GNPTAB: variants seen among roughly 807,000 people sequenced by gnomAD.
GNPTAB encodes the protein N-acetylglucosamine-1-phosphate transferase subunits alpha and beta.
A neutral mutation model predicts 136.6 loss-of-function variants in GNPTAB; 92 were observed. The ratio of observed to expected loss-of-function variants is 0.67; its 90% CI spans 0.57 to 0.80. The LOEUF is 0.80. Ranked by LOEUF, GNPTAB falls within the 30% of genes least tolerant of loss-of-function variation. The pLI is 0.00. For synonymous variants in GNPTAB, 512 were observed against 535.1 expected (o/e 0.96, Z 0.60); for missense variants, 1,343 against 1,501.8 (o/e 0.89, Z 1.75).
intron 1 of GNPTAB, among the ~76,000 whole-genome samples, chr12:101,816,617 A>C (rs1254740568): frequency 1.3e-5 from 2 of 152,256 alleles, no homozygotes; most frequent in African/African-American, 4.8e-5. Flanking sequence ...TAGTATAGCC[A>C]CTATGGAAAA....
At chr12:101,819,232 G>T (rs940853166) in intron 1 of GNPTAB, among the ~76,000 whole-genome samples, 1 of 151,860 alleles carries the variant, frequency 6.6e-6, no homozygotes, top group Admixed American at 6.6e-5. Context: ...GGCTCGTCTT[G>T]AACTCCTGAC....
intron 7 of GNPTAB, 141 bp downstream of exon 7, chr12:101,780,011 G>C (rs1953316655): frequency 3.6e-6 from 3 of 837,472 alleles, no homozygotes; most frequent in Non-Finnish European, 4.0e-6. Flanking sequence ...AAGGAGTGAG[G>C]CTCTTCTGGC....
chr12:101,775,365 CT>C (rs56347934), intron 7 of GNPTAB, among the ~76,000 whole-genome samples: 58 of 143,296 alleles, frequency 4.0e-4, no homozygotes, highest in Middle Eastern at 3.6e-3. Context: ...TCTTTTTTTT[CT>C]TTTTTTTTTT....
At chr12:101,804,353 A>G (rs569728506) in intron 1 of GNPTAB, among the ~76,000 whole-genome samples, 56 of 152,276 alleles carry the variant, frequency 3.7e-4, no homozygotes, top group Middle Eastern at 6.8e-3. Context: ...GAAAAAAAAA[A>G]AGAACCAACG....
chr12:101,774,470 T>A lies in GNPTAB; in HGVS notation c.772-3313A>T, dbSNP rs111918316. On this transcript the variant is annotated intron_variant, in intron 7 of 20. Transcript: ENST00000299314. ...AACTTCTAGATATAATATGAACATA[T>A]GTAAGTATATATTGGAAGCAAATCT... Among the ~76,000 whole-genome samples, 388 of 152,330 alleles carry A rather than the reference T, an allele frequency of 2.5e-3. 1 individual carries two copies. Among genetic ancestry groups the A allele is most frequent in the African/African-American group, 9.1e-3 (377 of 41,576 alleles).
At chr12:101,754,809 G>A (rs1389647065) in intron 18 of GNPTAB, among the ~76,000 whole-genome samples, 1 of 151,592 alleles carries the variant, frequency 6.6e-6, no homozygotes, top group Non-Finnish European at 1.5e-5. Context: ...GGAAATACAA[G>A]AGACATAGAA....
intron 16 of GNPTAB, among the ~76,000 whole-genome samples, 196 bp downstream of exon 16, chr12:101,759,834 G>C (rs891515791): frequency 6.6e-6 from 1 of 152,312 alleles, no homozygotes; most frequent in South Asian, 2.1e-4. Flanking sequence ...TCCAAATTAC[G>C]CATCTATGGG....
At chr12:101,797,191 G>C (rs1869344548) in intron 1 of GNPTAB, among the ~76,000 whole-genome samples, 1 of 152,118 alleles carries the variant, frequency 6.6e-6, no homozygotes, top group South Asian at 2.1e-4. Context: ...GTTGAGAAAT[G>C]GGTCTAGGAA....
intron 17 of GNPTAB, 25 bp from the exon 18 acceptor site, chr12:101,757,335 A>T: frequency 1.5e-6 from 2 of 1,302,058 alleles, no homozygotes; most frequent in Non-Finnish European, 2.2e-6. Context: ...ATATTTGAAG[A>T]GTTTAAATAA....
intron 2 of GNPTAB, among the ~76,000 whole-genome samples, chr12:101,791,318 C>T (rs993091789): frequency 6.6e-6 from 1 of 152,164 alleles, no homozygotes; most frequent in African/African-American, 2.4e-5. Context: ...ACTTATGACA[C>T]AGGAGTTCAT....
chr12:101,779,980 A>G (rs1953316222), intron 7 of GNPTAB, 172 bp downstream of exon 7: 1 of 682,912 alleles, frequency 1.5e-6, no homozygotes, highest in Non-Finnish European at 2.6e-6. Flanking sequence ...AGACTCTTAG[A>G]TTTTTGCCCA....
In GNPTAB at chr12:101,761,548, C is replaced by A. The variant is rs1952994663; in HGVS notation, c.2915+16G>T. Reference sequence around the variant, plus strand: ...TCTGAACACAAGCAAACAACTCAAACACGAGCAAGACTTACATATCTTGCA... The same window carrying A: ...TCTGAACACAAGCAAACAACTCAAAAACGAGCAAGACTTACATATCTTGCA... On this transcript the variant is annotated intron_variant, in intron 14 of 20. Transcript: ENST00000299314. 6.2e-7 allele frequency: 1 copy of A among 1,610,630 alleles called. No homozygotes were observed. The highest frequency in any genetic ancestry group is 2.2e-5 in the East Asian group (1 of 44,858).
chr12:101,749,238 A>G, intron 19 of GNPTAB, 47 bp from the exon 20 acceptor site: 1 of 1,048,556 alleles, frequency 9.5e-7, no homozygotes, highest in Non-Finnish European at 1.5e-6. Context: ...ATATGGTTTC[A>G]CTACCATTAG....
intron 20 of GNPTAB, among the ~76,000 whole-genome samples, chr12:101,747,903 TAGAGG>T (rs1224242324): frequency 6.6e-6 from 1 of 152,010 alleles, no homozygotes; most frequent in Non-Finnish European, 1.5e-5. Flanking sequence ...CTGGTATAGA[TAGAGG>T]AAAGACTGCC....
At chr12:101,754,265 A>G (rs1952866425) in intron 18 of GNPTAB, among the ~76,000 whole-genome samples, 1 of 151,930 alleles carries the variant, frequency 6.6e-6, no homozygotes. Context: ...TGTCTTTACT[A>G]AAAATACAAA....
intron 1 of GNPTAB, among the ~76,000 whole-genome samples, chr12:101,806,123 T>C (rs1274396473): frequency 1.3e-5 from 2 of 152,188 alleles, no homozygotes; most frequent in Non-Finnish European, 2.9e-5. Context: ...GTTTCTTCCT[T>C]TGTGGAGCAT....
chr12:101,806,991 T>C (rs771998256), intron 1 of GNPTAB, among the ~76,000 whole-genome samples: 1 of 152,166 alleles, frequency 6.6e-6, no homozygotes, highest in Non-Finnish European at 1.5e-5. Context: ...AGGAAACTTA[T>C]AAACCACTAT....
intron 7 of GNPTAB, among the ~76,000 whole-genome samples, chr12:101,772,730 T>C (rs1444433996): frequency 2.0e-5 from 3 of 152,172 alleles, no homozygotes; most frequent in Non-Finnish European, 4.4e-5. Context: ...TTCCTGTCCC[T>C]TTCCTCCCTC....
chr12:101,760,003 T>C (rs1247953683), intron 16 of GNPTAB, 27 bp downstream of exon 16: 4 of 1,232,766 alleles, frequency 3.2e-6, no homozygotes, highest in East Asian at 2.3e-5. Flanking sequence ...CTTTCTGTTG[T>C]ACATAAAAGT....
Sources: allele counts gnomAD v4.1 joint callset (sites outside exome capture counted in the v4.1 genomes callset), GRCh38; gene constraint gnomAD v4.1.1; transcripts MANE v1.5; gene names NCBI Gene and HGNC (gene_info 2026-07-23, HGNC 2026-07-21).